Variants in NAV2 observed in about 807,000 individuals in gnomAD.
NAV2 encodes the protein helicase, APC down-regulated 1.
Under a neutral mutation model 223.2 loss-of-function variants are expected in NAV2, and 54 were observed. The ratio of observed to expected loss-of-function variants is 0.24; its 90% confidence interval spans 0.19 to 0.30. The LOEUF is 0.30. Ranked by LOEUF, NAV2 falls within the 10% of genes least tolerant of loss-of-function variation. The pLI, the probability that NAV2 is intolerant of heterozygous loss-of-function variation, is 1.00. For missense variants in NAV2, 2,806 were observed against 3,147.5 expected, an observed-to-expected ratio of 0.89 and a Z score of 2.60; for synonymous variants, 1,279 against 1,239.3, an observed-to-expected ratio of 1.03 and a Z score of -0.67.
At chr11:19,557,078 A>T (rs562528249) in intron 1 of NAV2, among the ~76,000 whole-genome samples, 6 of 152,356 alleles carry the variant, frequency 3.9e-5, no homozygotes, top group Non-Finnish European at 8.8e-5. Context: ...GAATTTTAAA[A>T]TTAAATAAGC....
intron 1 of NAV2, among the ~76,000 whole-genome samples, chr11:19,527,972 A>ACACACACAC (rs1565018537): frequency 2.7e-5 from 4 of 150,702 alleles, no homozygotes; most frequent in East Asian, 2.0e-4. Flanking sequence ...ACACACACAC[A>ACACACACAC]ATCCTGGGAA....
chr11:19,893,922 G>C (rs1372933988), intron 6 of NAV2, among the ~76,000 whole-genome samples: 1 of 152,062 alleles, frequency 6.6e-6, no homozygotes, highest in African/African-American at 2.4e-5. Context: ...TTGTAAAATG[G>C]TACAAGTATC....
At chr11:19,471,210 G>A (rs551604441) in intron 1 of NAV2, among the ~76,000 whole-genome samples, 2 of 152,148 alleles carry the variant, frequency 1.3e-5, no homozygotes, top group Non-Finnish European at 2.9e-5. Flanking sequence ...GGGGATCCAT[G>A]TCAACCATAC....
intron 11 of NAV2, among the ~76,000 whole-genome samples, chr11:20,034,376 T>TGTTTG (rs34189871): frequency 3.4e-5 from 4 of 117,778 alleles, no homozygotes; most frequent in African/African-American, 6.0e-5. Flanking sequence ...TTTTTTTTTT[T>TGTTTG]TTTGTTTGTT....
chr11:19,831,718 T>G (rs1316666042), intron 1 of NAV2, among the ~76,000 whole-genome samples: 1 of 152,222 alleles, frequency 6.6e-6, no homozygotes, highest in Non-Finnish European at 1.5e-5. Context: ...GACCATTCTG[T>G]GACCAGGAAG....
At chr11:19,816,637 T>C (rs1404753426) in intron 1 of NAV2, among the ~76,000 whole-genome samples, 2 of 152,180 alleles carry the variant, frequency 1.3e-5, no homozygotes, top group African/African-American at 2.4e-5. Flanking sequence ...CTTGGATACA[T>C]TAGCAGAAAA....
intron 1 of NAV2, among the ~76,000 whole-genome samples, chr11:19,420,937 A>G (rs551840162): frequency 6.6e-6 from 1 of 152,238 alleles, no homozygotes; most frequent in Admixed American, 6.5e-5. Context: ...CTCAAGGGTG[A>G]CCTCCACGGT....
intron 6 of NAV2, among the ~76,000 whole-genome samples, chr11:19,895,197 G>T (rs2041874576): frequency 6.9e-6 from 1 of 144,998 alleles, no homozygotes; most frequent in Admixed American, 7.2e-5. Flanking sequence ...CTGCCAAGTG[G>T]CTGGGATTAC....
chr11:19,614,983 A>G (rs985557472), intron 1 of NAV2, among the ~76,000 whole-genome samples: 4 of 152,022 alleles, frequency 2.6e-5, no homozygotes, highest in African/African-American at 9.7e-5. Flanking sequence ...CCCCAGTGCT[A>G]TTACTTCATG....
At chr11:20,090,463 C>T (rs1565040584) in intron 26 of NAV2, among the ~76,000 whole-genome samples, 3 of 150,962 alleles carry the variant, frequency 2.0e-5, no homozygotes, top group Non-Finnish European at 4.4e-5. Flanking sequence ...AATCTTGTCT[C>T]TAAAAATAAA....
At chr11:19,931,694 G>A (rs905784785) in intron 6 of NAV2, 1 of 151,690 alleles carries the variant, frequency 6.6e-6, no homozygotes, top group African/African-American at 2.4e-5. Context: ...AACATGAGCA[G>A]TTTAACCGAA....
At chr11:19,769,560 G>T (rs1751567812) in intron 1 of NAV2, among the ~76,000 whole-genome samples, 1 of 152,140 alleles carries the variant, frequency 6.6e-6, no homozygotes, top group South Asian at 2.1e-4. Flanking sequence ...CGACCCCAGT[G>T]GTGCTCACTG....
upstream of NAV2, chr11:19,711,710 G>A (rs182281552): frequency 2.0e-5 from 3 of 152,318 alleles, no homozygotes; most frequent in East Asian, 3.9e-4. Context: ...GATGACTTTG[G>A]GGGAAAGCAG....
At chr11:20,115,846 G>T (rs1440278567) in intron 37 of NAV2, among the ~76,000 whole-genome samples, 1 of 152,154 alleles carries the variant, frequency 6.6e-6, no homozygotes, top group Non-Finnish European at 1.5e-5. Flanking sequence ...CTGGGAGGCA[G>T]AGTTTGCAGT....
chr11:19,688,764 T>C (rs1412101279), intron 1 of NAV2, among the ~76,000 whole-genome samples: 4 of 152,148 alleles, frequency 2.6e-5, no homozygotes, highest in African/African-American at 7.2e-5. Flanking sequence ...AATGTGGGGA[T>C]AGAGTTAGTA....
At chr11:19,782,186 G>C (rs1310112685) in intron 1 of NAV2, among the ~76,000 whole-genome samples, 1 of 152,184 alleles carries the variant, frequency 6.6e-6, no homozygotes, top group Non-Finnish European at 1.5e-5. Flanking sequence ...TGAGAAAGCA[G>C]GTTGGAATAT....
chr11:19,870,199 C>T (rs1202504198), intron 4 of NAV2, among the ~76,000 whole-genome samples: 2 of 152,104 alleles, frequency 1.3e-5, no homozygotes, highest in East Asian at 3.9e-4. Context: ...GGTACGGACC[C>T]TCATCCATGG....
At chr11:19,530,075 G>A (rs987749975) in intron 1 of NAV2, among the ~76,000 whole-genome samples, 2 of 152,180 alleles carry the variant, frequency 1.3e-5, no homozygotes, top group African/African-American at 4.8e-5. Flanking sequence ...AGGGTCAGAA[G>A]TCCCCTGAGC....
chr11:20,092,868 C>G (rs188333691), intron 28 of NAV2, among the ~76,000 whole-genome samples: 33 of 152,276 alleles, frequency 2.2e-4, no homozygotes, highest in Admixed American at 8.5e-4. Context: ...GTCTCTCCCT[C>G]GCACTTCCAT....
Sources: allele counts gnomAD v4.1 joint callset (sites outside exome capture counted in the v4.1 genomes callset), GRCh38; gene constraint gnomAD v4.1.1; transcripts MANE v1.5; gene names NCBI Gene and HGNC (gene_info 2026-07-23, HGNC 2026-07-21).